The following ALK variants were observed in gnomAD, a reference collection of about 807,000 sequenced individuals.
ALK encodes ALK tyrosine kinase receptor.
In ALK, 74 loss-of-function variants were observed where a neutral mutation model predicts 163.1. The ratio of observed to expected loss-of-function variants is 0.45; its 90% CI spans 0.38 to 0.55. The LOEUF (loss-of-function observed/expected upper bound fraction) is 0.55. ALK is among the 20% of genes least tolerant of loss of function. The pLI is 0.00. For synonymous variants in ALK, 960 were observed against 843.2 expected (o/e 1.14, Z -2.40); for missense variants, 2,063 against 2,105.3 (o/e 0.98, Z 0.39).
At chr2:29,303,265 C>G (rs1292013631) in intron 8 of ALK, among the ~76,000 whole-genome samples, 6 of 152,022 alleles carry the variant, frequency 3.9e-5, no homozygotes, top group Non-Finnish European at 7.4e-5. Context: ...TACAACCAGC[C>G]AATACACATA....
chr2:29,777,783 G>C (rs1167931387), intron 1 of ALK, among the ~76,000 whole-genome samples: 2 of 152,046 alleles, frequency 1.3e-5, no homozygotes, highest in Non-Finnish European at 2.9e-5. Flanking sequence ...TGCTATTTCT[G>C]GTCCTCAGGC....
chr2:29,474,808 G>GC (rs1671462654), intron 4 of ALK, among the ~76,000 whole-genome samples: 2 of 146,804 alleles, frequency 1.4e-5, no homozygotes, highest in South Asian at 4.6e-4. Flanking sequence ...TGCGATATAA[G>GC]TGGGGGAGAG....
At chr2:29,434,967 G>A (rs10170756) in intron 4 of ALK, among the ~76,000 whole-genome samples, 35 of 152,280 alleles carry the variant, frequency 2.3e-4, no homozygotes, top group African/African-American at 8.2e-4. Flanking sequence ...GAAATTCAGA[G>A]AATTGAACTG....
intron 5 of ALK, among the ~76,000 whole-genome samples, chr2:29,333,742 A>G (rs1667525287): frequency 6.6e-6 from 1 of 151,922 alleles, no homozygotes; most frequent in South Asian, 2.1e-4. Flanking sequence ...TCAGCCTTTT[A>G]AATAGCTGGG....
At chr2:29,406,671 G>A (rs940206394) in intron 4 of ALK, among the ~76,000 whole-genome samples, 6 of 152,080 alleles carry the variant, frequency 3.9e-5, no homozygotes, top group Non-Finnish European at 7.4e-5. Flanking sequence ...GGAGGCCGAG[G>A]TGGGCCAATC....
At chr2:29,226,427 G>A (rs1360923956) in intron 18 of ALK, among the ~76,000 whole-genome samples, 2 of 141,286 alleles carry the variant, frequency 1.4e-5, no homozygotes, top group African/African-American at 5.3e-5. Context: ...GCAGTGAGCC[G>A]AGACCACACC....
At chr2:29,708,062 G>T (rs1678965320) in intron 2 of ALK, among the ~76,000 whole-genome samples, 1 of 152,114 alleles carries the variant, frequency 6.6e-6, no homozygotes, top group South Asian at 2.1e-4. Flanking sequence ...AGAGGAGATT[G>T]ACTGACTGAT....
intron 13 of ALK, among the ~76,000 whole-genome samples, chr2:29,238,475 G>A (rs1035747744): frequency 6.6e-6 from 1 of 152,140 alleles, no homozygotes; most frequent in Non-Finnish European, 1.5e-5. Flanking sequence ...GGGATTACAG[G>A]CATGAACCAC....
intron 11 of ALK, 107 bp from the exon 12 acceptor site, chr2:29,251,374 C>T (rs1664812808): frequency 8.5e-7 from 1 of 1,174,322 alleles, no homozygotes; most frequent in Non-Finnish European, 1.2e-6. Context: ...CCAAACCCTC[C>T]ATCCAAGATG....
chr2:29,239,941 G>A, intron 12 of ALK, 111 bp from the exon 13 acceptor site: 1 of 1,302,294 alleles, frequency 7.7e-7, no homozygotes, highest in Admixed American at 2.1e-5. Context: ...TGGTCTGAGG[G>A]TTCTCCCCCA....
intron 26 of ALK, among the ~76,000 whole-genome samples, chr2:29,198,591 T>C (rs1237961034): frequency 6.6e-6 from 1 of 152,218 alleles, no homozygotes; most frequent in Non-Finnish European, 1.5e-5. Context: ...TATTGACAAA[T>C]TCTTGGTGCA....
intron 4 of ALK, among the ~76,000 whole-genome samples, chr2:29,456,077 G>C (rs983426721): frequency 6.6e-6 from 1 of 152,142 alleles, no homozygotes; most frequent in Non-Finnish European, 1.5e-5. Context: ...GTAGTGAGTG[G>C]GTAAGGTGGA....
At chr2:29,351,385 C>G (rs773606827) in intron 5 of ALK, among the ~76,000 whole-genome samples, 3 of 152,030 alleles carry the variant, frequency 2.0e-5, no homozygotes, top group African/African-American at 7.2e-5. Context: ...AGGGATCACC[C>G]GATAATGACA....
At chr2:29,519,561 C>T (rs897012927) in intron 4 of ALK, among the ~76,000 whole-genome samples, 6 of 152,210 alleles carry the variant, frequency 3.9e-5, no homozygotes, top group Admixed American at 3.9e-4. Context: ...ACATCCCACA[C>T]ACAATGTACC....
chr2:29,287,468 G>A (rs995633949), intron 9 of ALK, among the ~76,000 whole-genome samples: 6 of 152,112 alleles, frequency 3.9e-5, no homozygotes, highest in African/African-American at 1.4e-4. Flanking sequence ...ATTTTAGACA[G>A]AAACCTTAAA....
intron 5 of ALK, among the ~76,000 whole-genome samples, chr2:29,375,732 G>T (rs1434748347): frequency 1.3e-5 from 2 of 152,158 alleles, no homozygotes; most frequent in Non-Finnish European, 2.9e-5. Flanking sequence ...GTAAGAGGTA[G>T]GAAGGAGACT....
chr2:29,651,410 G>T (rs1023576225), intron 3 of ALK, among the ~76,000 whole-genome samples: 1 of 152,140 alleles, frequency 6.6e-6, no homozygotes, highest in Non-Finnish European at 1.5e-5. Flanking sequence ...TTGATAGAGG[G>T]TCATGTCCAA....
intron 1 of ALK, among the ~76,000 whole-genome samples, chr2:29,791,811 GAC>G (rs1238634259): frequency 6.6e-6 from 1 of 152,116 alleles, no homozygotes; most frequent in African/African-American, 2.4e-5. Context: ...TAGACCAAAA[GAC>G]AGTCTTTGTC....
chr2:29,330,615 C>A (rs113353958), intron 5 of ALK, among the ~76,000 whole-genome samples: 1 of 152,240 alleles, frequency 6.6e-6, no homozygotes, highest in East Asian at 1.9e-4. Flanking sequence ...CCCTGGGGCC[C>A]GTGAAAATGT....
Sources: allele counts gnomAD v4.1 joint callset (sites outside exome capture counted in the v4.1 genomes callset), GRCh38; gene constraint gnomAD v4.1.1; transcripts MANE v1.5; gene names NCBI Gene and HGNC (gene_info 2026-07-23, HGNC 2026-07-21).